The following CRYBG1 variants were observed in gnomAD, a reference collection of about 807,000 sequenced individuals.
The protein encoded by CRYBG1 is crystallin beta-gamma domain containing 1.
In CRYBG1, 139 loss-of-function variants were observed where a neutral mutation model predicts 189.2. The observed-to-expected ratio is 0.73, with a 90% CI of 0.64 to 0.85. The LOEUF (loss-of-function observed/expected upper bound fraction) is 0.85, where lower values mean the gene tolerates loss of function less well. Ranked by LOEUF, CRYBG1 falls within the 40% of genes least tolerant of loss-of-function variation. CRYBG1 has a pLI of 0.00. For missense variants in CRYBG1, 2,611 were observed against 2,675.8 expected (o/e 0.98, Z 0.53); for synonymous variants, 1,023 against 1,017.1 (o/e 1.01, Z -0.11).
chr6:106,519,010 A>ACAC, intron 3 of CRYBG1, 121 bp from the exon 4 acceptor site: 1 of 832,346 alleles, frequency 1.2e-6, no homozygotes, highest in Non-Finnish European at 1.8e-6. Flanking sequence ...CACACACACC[A>ACAC]CACTCCAAAT....
intron 13 of CRYBG1, among the ~76,000 whole-genome samples, chr6:106,548,588 A>G (rs1392857289): frequency 6.6e-6 from 1 of 152,106 alleles, no homozygotes; most frequent in East Asian, 1.9e-4. Context: ...CAAACCTTGA[A>G]GTCAAACAGA....
intron 1 of CRYBG1, among the ~76,000 whole-genome samples, chr6:106,393,893 G>A (rs573337149): frequency 6.6e-6 from 1 of 152,158 alleles, no homozygotes; most frequent in South Asian, 2.1e-4. Flanking sequence ...GGCTGGTCTC[G>A]AACTCCTGAC....
In CRYBG1 at chr6:106,521,084, G is replaced by T. The variant is rs199971648; in HGVS notation, c.3876G>T (p.Pro1292=). 9.7e-5 allele frequency: 157 copies of T among 1,614,136 alleles called. No individual in the cohort carries two copies. The highest frequency in any genetic ancestry group is 9.8e-5 in the Non-Finnish European group (116 of 1,180,022). ...SVSQPTTEGA[P]PCGLNKEQSN... ...CACAGCCCACGACTGAGGGTGCCCC[G>T]CCCTGTGGTTTGAACAAAGAACAGT... Residue 1292 remains proline (P), a synonymous_variant, in exon 4 of 22, where the codon CCG becomes CCT. Transcript: ENST00000633556.
chr6:106,512,735 TC>T lies in CRYBG1; in HGVS notation c.1622del (p.Pro541HisfsTer82). 6.4e-7 allele frequency: 1 copy of T among 1,566,536 alleles called. No homozygotes were observed. The highest frequency in any genetic ancestry group is 8.6e-7 in the Non-Finnish European group (1 of 1,156,196). On this transcript the variant is annotated frameshift_variant, in exon 3 of 22. Transcript: ENST00000633556. LOFTEE classifies it high-confidence loss of function. The stretch of plus-strand genomic sequence containing the variant: ...CGGCCCCCGGGCTCCCGCCAAGGAG[TC>T]CCCACCCAAGAGGGTGCCCGATCCC... Reference protein sequence around the residue: ...ASGPRAPAKESPPKRVPDPSP... With the variant: ...ASGPRAPAKEXPPKRVPDPSP...
Position 106,521,126 on chromosome 6 carries a change from C to T in CRYBG1, c.3918C>T (p.Asp1306=). 2 of 1,614,172 alleles carry T rather than the reference C, an allele frequency of 1.2e-6. No homozygotes were observed. Among genetic ancestry groups the T allele is most frequent in the Non-Finnish European group, 1.7e-6 (2 of 1,180,032 alleles). The change falls in exon 4 of 22, where the codon GAC becomes GAT. Residue 1306 remains aspartate, a synonymous_variant. Coordinates refer to ENST00000633556, the MANE Select transcript of CRYBG1 (RefSeq NM_001371242.2). ...LNKEQSNLLP[D]NSLKVFNFNS... Reference sequence around the variant, plus strand: ...AAGAACAGTCAAATCTTCTGCCCGACAACTCCTTAAAGGTCTTCAATTTCA... The same window carrying T: ...AAGAACAGTCAAATCTTCTGCCCGATAACTCCTTAAAGGTCTTCAATTTCA...
rs552285169 is a variant in CRYBG1 at position 106,432,394 on chromosome 6, C to T, written c.174-19300C>T. Among the ~76,000 whole-genome samples, 4 of 152,336 alleles carry T rather than the reference C, an allele frequency of 2.6e-5. 1 individual carries two copies. Among genetic ancestry groups the T allele is most frequent in the African/African-American group, 9.6e-5 (4 of 41,574 alleles). ...TTGTACTTCTAACCTGCTCTTCACT[C>T]CCTTTCTCATTTCCTCCCTTCTATC... On this transcript the variant is annotated intron_variant, in intron 1 of 21. Coordinates refer to ENST00000633556, the MANE Select transcript of CRYBG1 (RefSeq NM_001371242.2).
At chr6:106,363,955 A>G (rs1200874994) in intron 1 of CRYBG1, among the ~76,000 whole-genome samples, 2 of 152,078 alleles carry the variant, frequency 1.3e-5, no homozygotes, top group Non-Finnish European at 2.9e-5. Context: ...ATCAAAGCAA[A>G]GGTCTAATGG....
chr6:106,431,161 G>A (rs1205225399), intron 1 of CRYBG1, among the ~76,000 whole-genome samples: 3 of 152,068 alleles, frequency 2.0e-5, no homozygotes, highest in African/African-American at 4.8e-5. Context: ...CACACCCGGC[G>A]TAGGGACTGT....
At chr6:106,393,916 G>A (rs1444173185) in intron 1 of CRYBG1, among the ~76,000 whole-genome samples, 7 of 152,030 alleles carry the variant, frequency 4.6e-5, no homozygotes, top group South Asian at 2.1e-4. Context: ...CAGGTGATCC[G>A]CCCACCTTGG....
intron 1 of CRYBG1, among the ~76,000 whole-genome samples, chr6:106,402,056 A>G (rs1770729973): frequency 8.0e-6 from 1 of 125,184 alleles, no homozygotes; most frequent in Admixed American, 8.4e-5. Context: ...AATTGCTTCA[A>G]AGAGAATAAA....
At chr6:106,407,463 A>G (rs1292839246) in intron 1 of CRYBG1, among the ~76,000 whole-genome samples, 1 of 152,172 alleles carries the variant, frequency 6.6e-6, no homozygotes, top group Non-Finnish European at 1.5e-5. Flanking sequence ...CACTGTCAAT[A>G]TTACACAGAT....
Position 106,519,160 on chromosome 6 carries a change from AT to A in CRYBG1, c.1953del (p.Thr654ProfsTer64). 1 of 1,613,920 alleles carries A rather than the reference AT, an allele frequency of 6.2e-7. No individual in the cohort carries two copies. Among genetic ancestry groups the A allele is most frequent in the Non-Finnish European group, 8.5e-7 (1 of 1,179,954 alleles). ...GCCAAGCCCAAACATGTGGAACTAA[AT>A]CTTAAAACCCCTAAGAATCTTGACA... is the stretch of plus-strand genomic sequence containing the variant. The part of the protein sequence containing the change: ...LPAKPKHVEL[N>X]LKTPKNLDSL... On this transcript the variant is annotated frameshift_variant, in exon 4 of 22. Transcript: ENST00000633556. LOFTEE classifies it high-confidence loss of function.
intron 13 of CRYBG1, among the ~76,000 whole-genome samples, chr6:106,546,333 G>A (rs1344289107): frequency 6.6e-6 from 1 of 152,236 alleles, no homozygotes; most frequent in Non-Finnish European, 1.5e-5. Context: ...TTCTCAAATA[G>A]TTACATGAAA....
chr6:106,377,367 T>C (rs149489688), intron 1 of CRYBG1, among the ~76,000 whole-genome samples: 106 of 152,276 alleles, frequency 7.0e-4, no homozygotes, highest in African/African-American at 2.1e-3. Flanking sequence ...ACAAAGCATG[T>C]AGCAAAAAGT....
intron 1 of CRYBG1, among the ~76,000 whole-genome samples, chr6:106,369,781 A>G (rs1769978595): frequency 6.6e-6 from 1 of 152,246 alleles, no homozygotes; most frequent in Admixed American, 6.5e-5. Context: ...TAAGTGCTTT[A>G]CAAATATTAA....
rs1369011471 is a variant in CRYBG1, at chr6:106,511,892, C to T, written c.775C>T (p.Pro259Ser). 1.3e-6 allele frequency: 2 copies of T among 1,521,498 alleles called. No homozygotes were observed. Among genetic ancestry groups the T allele is most frequent in the Admixed American group, 2.0e-5 (1 of 49,864 alleles). The allele number at this position is 1,521,498 out of a possible 1,614,324, so 94.2% of individuals were successfully genotyped here. A position where few individuals can be genotyped will look rare whatever the true frequency, so the allele number is the denominator to read the frequency against. The change falls in exon 3 of 22, where the codon CCG (proline) becomes TCG (serine). Residue 259 changes from proline (P) to serine (S), a missense_variant. By Grantham distance (74) the Pro-to-Ser change is moderately conservative. Coordinates refer to ENST00000633556, the MANE Select transcript of CRYBG1 (RefSeq NM_001371242.2). ...TTTAKQLHSSPGNSSRQENAE... is the reference protein window; with the variant it reads ...TTTAKQLHSSSGNSSRQENAE... Reference sequence around the variant, plus strand: ...CACTGCCAAGCAGCTGCATTCCTCGCCGGGAAATTCCTCCAGGCAAGAGAA... The same window carrying T: ...CACTGCCAAGCAGCTGCATTCCTCGTCGGGAAATTCCTCCAGGCAAGAGAA...
chr6:106,456,606 AC>A (rs1771894193), intron 2 of CRYBG1, among the ~76,000 whole-genome samples: 1 of 152,166 alleles, frequency 6.6e-6, no homozygotes, highest in African/African-American at 2.4e-5. Context: ...AGAGGAAAAA[AC>A]ATTTTCTAAT....
In CRYBG1 at chr6:106,521,374, C is replaced by A. The variant is rs1470253724; in HGVS notation, c.4166C>A (p.Thr1389Asn). Residue 1389 changes from threonine to asparagine, a missense_variant, in exon 4 of 22, where the codon ACC becomes AAC. Physicochemically the swap from Thr to Asn is moderately conservative, Grantham distance 65. Transcript: ENST00000633556. Reference protein sequence around the residue: ...SNLPNCANSDTDFMGLFKSSR... With the variant: ...SNLPNCANSDNDFMGLFKSSR... The stretch of plus-strand genomic sequence containing the variant: ...TTGCCAAACTGTGCAAACAGTGACA[C>A]CGACTTCATGGGTCTTTTCAAATCA... The A allele has an allele frequency of 6.2e-7, 1 of 1,613,680 alleles. No homozygotes were observed. The highest frequency in any genetic ancestry group is 1.7e-5 in the Admixed American group (1 of 59,922).
chr6:106,534,432 T>C (rs1387739058), intron 8 of CRYBG1, among the ~76,000 whole-genome samples: 8 of 152,200 alleles, frequency 5.3e-5, no homozygotes, highest in Non-Finnish European at 1.5e-5. Flanking sequence ...ATTAGTGCTT[T>C]TATAGATCTC....
Sources: gnomAD v4.1 joint callset for allele counts (sites outside exome capture counted in the v4.1 genomes callset) on GRCh38, gnomAD v4.1.1 for gene constraint, MANE v1.5 for transcripts, NCBI Gene and HGNC (gene_info 2026-07-23, HGNC 2026-07-21) for gene names.